Variants in SLC7A14 observed in about 807,000 individuals in gnomAD.
The protein encoded by SLC7A14 is solute carrier family 7 member 14.
In SLC7A14, 37 loss-of-function variants were observed where a neutral mutation model predicts 60.2. The observed-to-expected ratio is 0.61, with a 90% CI of 0.47 to 0.81. SLC7A14 has a LOEUF of 0.81. SLC7A14 is among the 30% of genes least tolerant of loss of function. The pLI is 0.00. For synonymous variants in SLC7A14, 399 were observed against 395.8 expected (o/e 1.01, Z -0.10); for missense variants, 886 against 982.7 (o/e 0.90, Z 1.32).
At chr3:170,526,568 G>A in intron 2 of SLC7A14, 65 bp downstream of exon 2, 1 of 1,555,240 alleles carries the variant, frequency 6.4e-7, no homozygotes, top group Non-Finnish European at 8.7e-7. Flanking sequence ...CGGAGAAAGG[G>A]GATGAACAGT....
chr3:170,555,004 TA>T (rs1483504755), intron 1 of SLC7A14, among the ~76,000 whole-genome samples: 1 of 151,818 alleles, frequency 6.6e-6, no homozygotes, highest in Non-Finnish European at 1.5e-5. Context: ...CCATCTCTAC[TA>T]AAAACACAAA....
Position 170,486,342 on chromosome 3 carries a change from G to C in SLC7A14, c.786C>G (p.Phe262Leu), listed in dbSNP as rs190070175. 1.7e-4 allele frequency: 274 copies of C among 1,614,246 alleles called. 1 individual carries two copies. The Middle Eastern group carries it at 2.3e-3, about 14-fold the overall frequency. Residue 262 changes from phenylalanine (F) to leucine (L), a missense_variant, in exon 5 of 8, where the codon TTC (phenylalanine) becomes TTG (leucine). Coordinates refer to ENST00000231706, the MANE Select transcript of SLC7A14 (RefSeq NM_020949.3). ...TGATGTCAAAGCCAATGAAAGCGTA[G>C]AAGCATGTTGCTGCTCCTTGCAGCA... is the stretch of plus-strand genomic sequence containing the variant. Reference protein sequence around the residue: ...SGVLQGAATCFYAFIGFDIIA... With the variant: ...SGVLQGAATCLYAFIGFDIIA...
chr3:170,553,009 T>A (rs1714392265), intron 1 of SLC7A14, among the ~76,000 whole-genome samples: 1 of 152,246 alleles, frequency 6.6e-6, no homozygotes, highest in Non-Finnish European at 1.5e-5. Flanking sequence ...CCTTTGGAAC[T>A]AGCTGCATCA....
At chr3:170,512,417 C>T (rs539228197) in intron 2 of SLC7A14, among the ~76,000 whole-genome samples, 1 of 152,248 alleles carries the variant, frequency 6.6e-6, no homozygotes, top group East Asian at 1.9e-4. Flanking sequence ...ACAGGGATGC[C>T]AACACACAGG....
At chr3:170,560,292 GAA>G (rs1714610011) in intron 1 of SLC7A14, among the ~76,000 whole-genome samples, 1 of 151,986 alleles carries the variant, frequency 6.6e-6, no homozygotes, top group Non-Finnish European at 1.5e-5. Flanking sequence ...GGGGAGGAAA[GAA>G]AGAAAGAAAA....
chr3:170,478,090 T>A (rs1054504542), intron 7 of SLC7A14, among the ~76,000 whole-genome samples: 56 of 152,238 alleles, frequency 3.7e-4, no homozygotes, highest in South Asian at 1.5e-3. Flanking sequence ...TTTAAAAAAA[T>A]TTTTTGAAAT....
Position 170,486,283 on chromosome 3 carries a change from T to A in SLC7A14, c.845A>T (p.Asn282Ile), listed in dbSNP as rs1712026628. Residue 282 changes from asparagine to isoleucine, a missense_variant, in exon 5 of 8, where the codon AAC (asparagine) becomes ATC (isoleucine). By Grantham distance (149) the Asn-to-Ile change is moderately radical. Transcript: ENST00000231706. Reference sequence around the variant, plus strand: ...AGTGATAGCATAAGGGATGGACGTGTTGGGATTCTTGGCTTCCTCTCCAGT... The same window carrying A: ...AGTGATAGCATAAGGGATGGACGTGATGGGATTCTTGGCTTCCTCTCCAGT... ...ATTGEEAKNP[N>I]TSIPYAITAS... is the part of the protein sequence containing the mutation. 1 of 1,614,148 alleles carries A rather than the reference T, an allele frequency of 6.2e-7. No individual in the cohort carries two copies. The highest frequency in any genetic ancestry group is 1.7e-5 in the Admixed American group (1 of 60,022).
At position 170,578,796 on chromosome 3, in the gene SLC7A14, G is replaced by A. The variant is rs192876488; in HGVS notation, c.-153+7115C>T. Among the ~76,000 whole-genome samples the A allele has an allele frequency of 4.6e-5, 7 of 152,212 alleles. No individual in the cohort carries two copies. In the East Asian group the frequency reaches 5.8e-4, roughly 13 times the overall value. On this transcript the variant is annotated intron_variant, in intron 1 of 7. Transcript: ENST00000231706. Reference sequence around the variant, plus strand: ...TTCAAGCTCTTGGCCCTATTTCATCGAACCATAGAATGTTATGGCTTGCAG... The same window carrying A: ...TTCAAGCTCTTGGCCCTATTTCATCAAACCATAGAATGTTATGGCTTGCAG...
At chr3:170,497,088 A>AG (rs1712427386) in intron 4 of SLC7A14, among the ~76,000 whole-genome samples, 2 of 46,920 alleles carry the variant, frequency 4.3e-5, no homozygotes, top group African/African-American at 2.2e-4. Flanking sequence ...TATTTTGTCC[A>AG]AAAAAAAAAA....
chr3:170,534,460 A>C (rs1336172286), intron 1 of SLC7A14, among the ~76,000 whole-genome samples: 2 of 152,238 alleles, frequency 1.3e-5, no homozygotes, highest in East Asian at 3.8e-4. Context: ...CACATGGCAC[A>C]GGGCGAAGTT....
chr3:170,482,116 G>A (rs992209839), intron 6 of SLC7A14, among the ~76,000 whole-genome samples: 11 of 152,180 alleles, frequency 7.2e-5, no homozygotes, highest in African/African-American at 2.7e-4. Flanking sequence ...ACAGATTTAT[G>A]TCCAGCTAGT....
At chr3:170,475,823 C>T (rs1711593313) in intron 7 of SLC7A14, among the ~76,000 whole-genome samples, 1 of 152,160 alleles carries the variant, frequency 6.6e-6, no homozygotes, top group Non-Finnish European at 1.5e-5. Flanking sequence ...AGAGATTCTC[C>T]TGCCTCAGTC....
intron 1 of SLC7A14, among the ~76,000 whole-genome samples, chr3:170,571,808 C>A (rs955644895): frequency 3.3e-5 from 5 of 151,962 alleles, no homozygotes; most frequent in Non-Finnish European, 7.4e-5. Context: ...TGCCTGTAAT[C>A]CCAGCACTTT....
intron 2 of SLC7A14, among the ~76,000 whole-genome samples, chr3:170,504,201 A>G (rs1476207770): frequency 6.6e-6 from 1 of 152,218 alleles, no homozygotes; most frequent in Non-Finnish European, 1.5e-5. Context: ...TCCTGAGAAA[A>G]ATGTTCTCAT....
intron 7 of SLC7A14, among the ~76,000 whole-genome samples, chr3:170,470,308 A>ATGTGTGTGTG (rs60682275): frequency 0.085 from 12,231 of 143,534 alleles, 975 homozygotes; most frequent in African/African-American, 0.2. Flanking sequence ...TGGAAGGAAC[A>ATGTGTGTGTG]TGTGTGTGTG....
Position 170,495,507 on chromosome 3 carries a change from C to T in SLC7A14, c.759+3160G>A, listed in dbSNP as rs1337634715. On this transcript the variant is annotated intron_variant, in intron 4 of 7. Coordinates refer to ENST00000231706, the MANE Select transcript of SLC7A14 (RefSeq NM_020949.3). ...CTCTGGCCCCCAGGCCTTTAGCAGC[C>T]GCTTTTACACGAATGGGCCTGGTGC... is the stretch of plus-strand genomic sequence containing the variant. The T allele has an allele frequency of 2.7e-5, 21 of 767,786 alleles. No homozygotes were observed. The Middle Eastern group carries it at 7.3e-4, about 27-fold the overall frequency. 47.6% of individuals were successfully genotyped at this position (767,786 alleles called of 1,614,324 possible).
chr3:170,510,103 C>G (rs1384237351), intron 2 of SLC7A14, among the ~76,000 whole-genome samples: 1 of 137,954 alleles, frequency 7.2e-6, no homozygotes, highest in Non-Finnish European at 1.6e-5. Flanking sequence ...AAAATGTAAC[C>G]AATCTGCAAG....
At chr3:170,491,330 T>C (rs974049124) in intron 4 of SLC7A14, among the ~76,000 whole-genome samples, 4 of 152,184 alleles carry the variant, frequency 2.6e-5, no homozygotes, top group African/African-American at 9.7e-5. Flanking sequence ...GGAAGTAAAC[T>C]TGCAAAGAGG....
At position 170,512,654 on chromosome 3, in the gene SLC7A14, A is replaced by ATTTTTTTTTTTTT. The variant is rs71176570; in HGVS notation, c.305-11322_305-11310dup. Among the ~76,000 whole-genome samples, 15 of 63,168 alleles carry ATTTTTTTTTTTTT rather than the reference A, an allele frequency of 2.4e-4. 1 individual carries two copies. Among genetic ancestry groups the ATTTTTTTTTTTTT allele is most frequent in the Admixed American group, 5.4e-4 (2 of 3,672 alleles). The allele number at this position is 63,168 out of a possible 152,430, so 41.4% of individuals were successfully genotyped here. ...TATAGGGCACATGTGTACAATTTGC[A>ATTTTTTTTTTTTT]TTTTTTTTTTTTTTTTTTTTTTTTT... On this transcript the variant is annotated intron_variant, in intron 2 of 7. Coordinates refer to ENST00000231706, the MANE Select transcript of SLC7A14 (RefSeq NM_020949.3).
Sources: allele counts gnomAD v4.1 joint callset (sites outside exome capture counted in the v4.1 genomes callset), GRCh38; gene constraint gnomAD v4.1.1; transcripts MANE v1.5; gene names NCBI Gene and HGNC (gene_info 2026-07-23, HGNC 2026-07-21).